The following KCNIP4 variants were observed in gnomAD, a reference collection of about 807,000 sequenced individuals.
KCNIP4 encodes Kv channel-interacting protein 4.
KCNIP4 carries 12 observed loss-of-function variants against 34.0 expected under a neutral mutation model. The observed-to-expected ratio is 0.35, with a 90% confidence interval of 0.23 to 0.57. KCNIP4 has a LOEUF of 0.57. Among genes scored for constraint, KCNIP4 ranks in the 20% least tolerant of loss-of-function variants. KCNIP4 has a pLI of 0.83. For synonymous variants in KCNIP4, 124 were observed against 102.2 expected, an observed-to-expected ratio of 1.21 and a Z score of -1.29; for missense variants, 238 against 311.7, an observed-to-expected ratio of 0.76 and a Z score of 1.78.
At chr4:21,367,367 C>A (rs934448761) in intron 1 of KCNIP4, among the ~76,000 whole-genome samples, 1 of 152,094 alleles carries the variant, frequency 6.6e-6, no homozygotes, top group Non-Finnish European at 1.5e-5. Context: ...CCACTTGATT[C>A]TTTTCTATCT....
intron 1 of KCNIP4, among the ~76,000 whole-genome samples, chr4:21,883,929 C>T (rs1726607584): frequency 6.6e-6 from 1 of 152,170 alleles, no homozygotes; most frequent in East Asian, 1.9e-4. Context: ...AAGCTACACA[C>T]ACATTAAATA....
chr4:20,963,908 TA>T lies in KCNIP4; in HGVS notation c.62-81200del, dbSNP rs547525403. On this transcript the variant is annotated intron_variant, in intron 1 of 8. Coordinates refer to ENST00000382152, the MANE Select transcript of KCNIP4 (RefSeq NM_025221.6). Reference sequence around the variant, plus strand: ...ATTTCATCAAGGTAAAATATATATATAAAAAAAAAGATGGGTGCCAACCTCT... The same window carrying T: ...ATTTCATCAAGGTAAAATATATATATAAAAAAAAGATGGGTGCCAACCTCT... Among the ~76,000 whole-genome samples the T allele has an allele frequency of 4.0e-3, 605 of 151,114 alleles. 1 individual carries two copies. The highest frequency in any genetic ancestry group is 0.01 in the Middle Eastern group (3 of 294).
chr4:21,837,536 A>AAAAAAAAAAAG (rs1163111920), intron 1 of KCNIP4, among the ~76,000 whole-genome samples: 1 of 148,740 alleles, frequency 6.7e-6, no homozygotes, highest in Non-Finnish European at 1.5e-5. Context: ...CGCTGTCAAA[A>AAAAAAAAAAAG]AAAAAAAAAA....
intron 1 of KCNIP4, among the ~76,000 whole-genome samples, chr4:21,614,237 G>A (rs1744410328): frequency 6.6e-6 from 1 of 151,834 alleles, no homozygotes; most frequent in South Asian, 2.1e-4. Flanking sequence ...ATTAGAGAGT[G>A]AATTTTATTC....
chr4:21,590,367 G>A (rs1012418129), intron 1 of KCNIP4, among the ~76,000 whole-genome samples: 11 of 151,926 alleles, frequency 7.2e-5, no homozygotes, highest in African/African-American at 2.7e-4. Flanking sequence ...TGTGTCTGGG[G>A]AAAAATAGAT....
At chr4:20,839,675 G>C (rs2149469538) in intron 3 of KCNIP4, among the ~76,000 whole-genome samples, 1 of 152,120 alleles carries the variant, frequency 6.6e-6, no homozygotes, top group South Asian at 2.1e-4. Context: ...AATGATAATA[G>C]CAATAACAAT....
At chr4:21,387,745 G>T (rs17522576) in intron 1 of KCNIP4, among the ~76,000 whole-genome samples, 1 of 151,958 alleles carries the variant, frequency 6.6e-6, no homozygotes, top group South Asian at 2.1e-4. Context: ...GAATGAGTTA[G>T]TCACCTTCCT....
chr4:21,203,513 T>C (rs937249322), intron 1 of KCNIP4, among the ~76,000 whole-genome samples: 3 of 152,218 alleles, frequency 2.0e-5, no homozygotes, highest in African/African-American at 7.2e-5. Flanking sequence ...CAATGCCTCA[T>C]TAAGAATGTT....
intron 1 of KCNIP4, among the ~76,000 whole-genome samples, chr4:21,638,268 A>G (rs1433906413): frequency 6.6e-6 from 1 of 152,194 alleles, no homozygotes; most frequent in African/African-American, 2.4e-5. Flanking sequence ...GCAGCCTAAG[A>G]GACAGCATGG....
chr4:21,273,814 T>C (rs1762290618), intron 1 of KCNIP4, among the ~76,000 whole-genome samples: 2 of 152,194 alleles, frequency 1.3e-5, no homozygotes, highest in Admixed American at 1.3e-4. Context: ...GTACCTCATA[T>C]ACACTTCTAT....
At chr4:21,912,674 A>G (rs1728403198) in intron 1 of KCNIP4, among the ~76,000 whole-genome samples, 1 of 152,128 alleles carries the variant, frequency 6.6e-6, no homozygotes, top group Non-Finnish European at 1.5e-5. Flanking sequence ...CCTGAGACTG[A>G]AAGAAGGGTG....
chr4:21,561,619 C>A (rs570844081), intron 1 of KCNIP4, among the ~76,000 whole-genome samples: 1 of 151,612 alleles, frequency 6.6e-6, no homozygotes, highest in African/African-American at 2.4e-5. Context: ...GGGGAGTGGA[C>A]CGGTTTTATG....
At chr4:20,738,263 A>C (rs180782026) in intron 5 of KCNIP4, among the ~76,000 whole-genome samples, 22 of 152,318 alleles carry the variant, frequency 1.4e-4, no homozygotes, top group Admixed American at 1.4e-3. Flanking sequence ...AATGTAAACG[A>C]TATTTTTAAA....
intron 1 of KCNIP4, among the ~76,000 whole-genome samples, chr4:21,286,905 A>G (rs574578694): frequency 6.6e-6 from 1 of 152,182 alleles, no homozygotes; most frequent in African/African-American, 2.4e-5. Flanking sequence ...TAATACATCA[A>G]CTCGGAAATG....
At chr4:21,124,594 C>G (rs1017367839) in intron 1 of KCNIP4, among the ~76,000 whole-genome samples, 2 of 152,164 alleles carry the variant, frequency 1.3e-5, no homozygotes, top group Non-Finnish European at 2.9e-5. Context: ...TTTTCTTCTT[C>G]TTTTGCTCTC....
At chr4:21,360,194 G>A in intron 1 of KCNIP4, among the ~76,000 whole-genome samples, 1 of 151,978 alleles carries the variant, frequency 6.6e-6, no homozygotes, top group Non-Finnish European at 1.5e-5. Context: ...GGTAGAAAAT[G>A]CTAATAAAAA....
intron 1 of KCNIP4, among the ~76,000 whole-genome samples, chr4:21,358,292 CATGT>C (rs1413424310): frequency 6.6e-6 from 1 of 151,974 alleles, no homozygotes; most frequent in Non-Finnish European, 1.5e-5. Context: ...ACATTGTGTA[CATGT>C]ACCCTAGAAC....
At chr4:21,535,029 T>C (rs1577548788) in intron 1 of KCNIP4, among the ~76,000 whole-genome samples, 1 of 152,144 alleles carries the variant, frequency 6.6e-6, no homozygotes, top group African/African-American at 2.4e-5. Context: ...TTCGCTCCAC[T>C]GTATTCCATT....
At chr4:21,521,880 T>A (rs1426013421) in intron 1 of KCNIP4, among the ~76,000 whole-genome samples, 1 of 151,930 alleles carries the variant, frequency 6.6e-6, no homozygotes, top group Non-Finnish European at 1.5e-5. Flanking sequence ...AAAGCATGTG[T>A]GAATTGTACA....
Sources: gnomAD v4.1 joint callset for allele counts (sites outside exome capture counted in the v4.1 genomes callset) on GRCh38, gnomAD v4.1.1 for gene constraint, MANE v1.5 for transcripts, NCBI Gene and HGNC (gene_info 2026-07-23, HGNC 2026-07-21) for gene names.